DPP10: variants seen among roughly 807,000 people sequenced by gnomAD.
The protein encoded by DPP10 is dipeptidyl peptidase like 10, also known as inactive dipeptidyl peptidase 10.
DPP10 carries 33 observed loss-of-function variants against 120.9 expected under a neutral mutation model. That is an observed-to-expected ratio of 0.27 (90% CI 0.21 to 0.37). The LOEUF is 0.37. DPP10 is among the 10% of genes least tolerant of loss of function. DPP10 has a pLI of 1.00. For synonymous variants in DPP10, 337 were observed against 326.1 expected (o/e 1.03, Z -0.36); for missense variants, 816 against 942.8 (o/e 0.87, Z 1.76).
At chr2:114,662,711 C>G (rs1044979449) in intron 1 of DPP10, among the ~76,000 whole-genome samples, 1 of 152,146 alleles carries the variant, frequency 6.6e-6, no homozygotes, top group Non-Finnish European at 1.5e-5. Context: ...AGGCCAAGGT[C>G]CAGCCTTTCC....
chr2:114,520,002 A>G (rs1187079810), intron 1 of DPP10, among the ~76,000 whole-genome samples: 1 of 152,324 alleles, frequency 6.6e-6, no homozygotes, highest in East Asian at 1.9e-4. Context: ...TTCAAACACA[A>G]CAACCAAGAA....
At chr2:114,570,652 C>T (rs1332404531) in intron 1 of DPP10, among the ~76,000 whole-genome samples, 1 of 150,690 alleles carries the variant, frequency 6.6e-6, no homozygotes, top group South Asian at 2.1e-4. Context: ...GGTGAAACCC[C>T]GTCTCTACTA....
At chr2:115,548,887 T>G (rs1020744462) in intron 5 of DPP10, among the ~76,000 whole-genome samples, 1 of 152,164 alleles carries the variant, frequency 6.6e-6, no homozygotes, top group Non-Finnish European at 1.5e-5. Context: ...ATTATCCTCT[T>G]CTCTCACCAA....
intron 1 of DPP10, among the ~76,000 whole-genome samples, chr2:114,702,340 C>T (rs1411541534): frequency 6.6e-6 from 1 of 151,282 alleles, no homozygotes; most frequent in Non-Finnish European, 1.5e-5. Flanking sequence ...TATGGGAAGT[C>T]CCTTTAGGTG....
In DPP10 at chr2:115,162,410, C is replaced by G. The variant is rs182254323; in HGVS notation, c.61-146829C>G. ...AAATCTGCTGCGCTCCTGACGGCCG[C>G]TCACCGGGTTCGAGCCCCGTCCTCC... On this transcript the variant is annotated intron_variant, in intron 1 of 25. Coordinates refer to ENST00000410059, the MANE Select transcript of DPP10 (RefSeq NM_020868.6). 1,550 of 1,255,660 alleles carry G rather than the reference C, an allele frequency of 1.2e-3. 22 individuals carry two copies. The highest frequency in any genetic ancestry group is 2.8e-4 in the Middle Eastern group (1 of 3,510). The allele number at this position is 1,255,660 out of a possible 1,614,324, so 77.8% of individuals were successfully genotyped here.
intron 21 of DPP10, among the ~76,000 whole-genome samples, chr2:115,823,768 G>T (rs1253515533): frequency 6.6e-6 from 1 of 152,058 alleles, no homozygotes; most frequent in Non-Finnish European, 1.5e-5. Context: ...ACTTAATGCT[G>T]GAAAAGAAAC....
intron 7 of DPP10, among the ~76,000 whole-genome samples, chr2:115,717,391 A>T (rs113530214): frequency 1.3e-3 from 194 of 152,216 alleles, no homozygotes; most frequent in African/African-American, 4.2e-3. Flanking sequence ...AAAAATAAAT[A>T]AAAAATAAAT....
intron 3 of DPP10, among the ~76,000 whole-genome samples, chr2:115,348,204 A>G (rs2063806138): frequency 1.3e-5 from 2 of 152,066 alleles, no homozygotes; most frequent in Non-Finnish European, 2.9e-5. Context: ...GAGTCCCAAC[A>G]CTATTAATTT....
At chr2:115,468,559 T>C (rs2074478401) in intron 3 of DPP10, 8 of 413,234 alleles carry the variant, frequency 1.9e-5, no homozygotes, top group Non-Finnish European at 3.8e-5. Flanking sequence ...GCTCACTCAG[T>C]GGGGCTAATG....
intron 17 of DPP10, among the ~76,000 whole-genome samples, chr2:115,782,995 A>G (rs1682951086): frequency 6.6e-6 from 1 of 152,042 alleles, no homozygotes; most frequent in Non-Finnish European, 1.5e-5. Context: ...AGATAAATAA[A>G]TGCATGGTTG....
chr2:115,408,842 C>A (rs879723752), intron 3 of DPP10, among the ~76,000 whole-genome samples: 1 of 151,758 alleles, frequency 6.6e-6, no homozygotes, highest in Non-Finnish European at 1.5e-5. Flanking sequence ...TAGCTTTTAG[C>A]CTTAATTTTA....
chr2:114,698,550 G>T (rs1475064216), intron 1 of DPP10, among the ~76,000 whole-genome samples: 1 of 152,112 alleles, frequency 6.6e-6, no homozygotes, highest in African/African-American at 2.4e-5. Flanking sequence ...GGGTCAAGGG[G>T]TCAAGTGTTT....
intron 1 of DPP10, among the ~76,000 whole-genome samples, chr2:114,664,132 T>C (rs1365091288): frequency 6.6e-6 from 1 of 151,956 alleles, no homozygotes; most frequent in Admixed American, 6.6e-5. Flanking sequence ...GAAACTGAAT[T>C]TCAATTATTC....
chr2:115,337,829 G>A (rs1462227095), intron 2 of DPP10, among the ~76,000 whole-genome samples: 3 of 151,516 alleles, frequency 2.0e-5, no homozygotes, highest in African/African-American at 7.3e-5. Context: ...TTTAAGGAAA[G>A]GAACAAAGAA....
chr2:115,291,650 A>G (rs1430576470), intron 1 of DPP10, among the ~76,000 whole-genome samples: 1 of 152,076 alleles, frequency 6.6e-6, no homozygotes, highest in Non-Finnish European at 1.5e-5. Flanking sequence ...GTTGATGCCT[A>G]AGCCCATTTA....
In DPP10 at chr2:115,780,927, A is replaced by C. The variant is rs192963656; in HGVS notation, c.1415A>C (p.Lys472Thr). The C allele has an allele frequency of 1.9e-6, 3 of 1,604,920 alleles. No individual in the cohort carries two copies. In the Admixed American group the frequency reaches 5.0e-5, roughly 27 times the overall value. Reference sequence around the variant, plus strand: ...CAATGCATTTCATGTAATTTCATGAAAGAACAATGTACATATTTTGATGCC... The same window carrying C: ...CAATGCATTTCATGTAATTTCATGACAGAACAATGTACATATTTTGATGCC... ...NRQCISCNFM[K>T]EQCTYFDASF... Residue 472 changes from lysine to threonine, a missense_variant, in exon 16 of 26, where the codon AAA becomes ACA. Lys to Thr is a moderately conservative substitution (Grantham distance 78). Coordinates refer to ENST00000410059, the MANE Select transcript of DPP10 (RefSeq NM_020868.6).
At chr2:115,277,432 A>C (rs925281381) in intron 1 of DPP10, among the ~76,000 whole-genome samples, 3 of 134,544 alleles carry the variant, frequency 2.2e-5, no homozygotes, top group Admixed American at 7.7e-5. Flanking sequence ...AATTATACTT[A>C]AGTCCTGCCA....
At chr2:115,150,401 C>T (rs1038586379) in intron 1 of DPP10, among the ~76,000 whole-genome samples, 1 of 152,160 alleles carries the variant, frequency 6.6e-6, no homozygotes, top group African/African-American at 2.4e-5. Flanking sequence ...GTTCTTAAAG[C>T]CTTGGCGATT....
intron 1 of DPP10, among the ~76,000 whole-genome samples, chr2:114,574,789 A>G (rs555635424): frequency 3.8e-4 from 58 of 152,338 alleles, no homozygotes; most frequent in African/African-American, 1.3e-3. Context: ...ATTTGAAAAC[A>G]TTGGAGGGAG....
Sources: gnomAD v4.1 joint callset for allele counts (sites outside exome capture counted in the v4.1 genomes callset) on GRCh38, gnomAD v4.1.1 for gene constraint, MANE v1.5 for transcripts, NCBI Gene and HGNC (gene_info 2026-07-23, HGNC 2026-07-21) for gene names.